NARF: variants seen among roughly 807,000 people sequenced by gnomAD.
NARF encodes iron-only hydrogenase-like protein 2.
NARF carries 41 observed loss-of-function variants against 48.0 expected under a neutral mutation model. The ratio of observed to expected loss-of-function variants is 0.85; its 90% confidence interval spans 0.66 to 1.11. The LOEUF (loss-of-function observed/expected upper bound fraction) is 1.11, where lower values mean the gene tolerates loss of function less well. Ranked by LOEUF, NARF falls within the 50% of genes least tolerant of loss-of-function variation. The probability of loss-of-function intolerance (pLI) is 0.00; values close to 1 mark genes in which losing one functional copy is unlikely to be tolerated. For synonymous variants in NARF, 215 were observed against 225.5 expected (o/e 0.95, Z 0.42); for missense variants, 613 against 590.2 (o/e 1.04, Z -0.40).
intron 2 of NARF, chr17:82,463,477 C>G (rs529404059): frequency 6.6e-6 from 1 of 152,204 alleles, no homozygotes; most frequent in East Asian, 1.9e-4. Flanking sequence ...TGGACATCGT[C>G]TCTGCTGAAG....
intron 5 of NARF, among the ~76,000 whole-genome samples, chr17:82,477,458 C>T (rs1229813283): frequency 1.3e-5 from 2 of 151,758 alleles, no homozygotes; most frequent in East Asian, 1.9e-4. Flanking sequence ...GAGCCAAGAT[C>T]GTGTGACTGC....
At chr17:82,478,547 C>T in intron 5 of NARF, 1 of 577,512 alleles carries the variant, frequency 1.7e-6, no homozygotes, top group Non-Finnish European at 3.3e-6. Context: ...TACTCCGACT[C>T]TTACTTGTCT....
At chr17:82,464,768 T>TTA (rs1411957448) in intron 3 of NARF, among the ~76,000 whole-genome samples, 1 of 152,200 alleles carries the variant, frequency 6.6e-6, no homozygotes, top group Non-Finnish European at 1.5e-5. Context: ...CTCCTGCTGT[T>TTA]CTGCCTCGGC....
chr17:82,480,842 G>A, intron 6 of NARF: 1 of 532,984 alleles, frequency 1.9e-6, no homozygotes. Context: ...TGAGGCAGGA[G>A]AATCGCTTGA....
At chr17:82,471,081 C>G (rs571521865) in intron 4 of NARF, among the ~76,000 whole-genome samples, 13 of 151,572 alleles carry the variant, frequency 8.6e-5, no homozygotes, top group Admixed American at 6.6e-5. Flanking sequence ...AAGAATCGCT[C>G]AGACCCAGGA....
intron 5 of NARF, among the ~76,000 whole-genome samples, chr17:82,473,428 T>C (rs1163916985): frequency 6.6e-6 from 1 of 150,894 alleles, no homozygotes; most frequent in East Asian, 1.9e-4. Flanking sequence ...TGAGACAGAG[T>C]CTCGCTCTGT....
Position 82,466,748 on chromosome 17 carries a change from C to T in NARF, c.253-2016C>T, listed in dbSNP as rs140015057. Among the ~76,000 whole-genome samples, 1,397 of 151,718 alleles carry T rather than the reference C, an allele frequency of 9.2e-3. 17 individuals carry two copies. Among genetic ancestry groups the T allele is most frequent in the Non-Finnish European group, 0.011 (758 of 67,886 alleles). ...GATTACAGACGTGAGCCACCACACC[C>T]GGCCAGATACATTCTTTTCTATTTG... On this transcript the variant is annotated intron_variant, in intron 3 of 10. Coordinates refer to ENST00000309794, the MANE Select transcript of NARF (RefSeq NM_012336.4).
rs749647499 is a variant in NARF, at chr17:82,485,573, C to T, written c.1048C>T (p.Arg350Ter). The change falls in exon 10 of 11, where the codon CGA (arginine) becomes TGA (stop). Residue 350 changes from arginine to a stop codon, truncating the protein, a stop_gained. Transcript: ENST00000309794. LOFTEE classifies it high-confidence loss of function. Reference sequence around the variant, plus strand: ...ACGCTTTGCTGCAGCCTATGGCTTTCGAAACATCCAGAACATGATCCTGAA... The same window carrying T: ...ACGCTTTGCTGCAGCCTATGGCTTTTGAAACATCCAGAACATGATCCTGAA... ...VLRFAAAYGF[R>*]NIQNMILKLK... The T allele has an allele frequency of 7.4e-6, 12 of 1,614,226 alleles. No individual in the cohort carries two copies. Among genetic ancestry groups the T allele is most frequent in the East Asian group, 2.2e-5 (1 of 44,892 alleles).
Position 82,464,431 on chromosome 17 carries a change from G to T in NARF, c.252+1G>T, listed in dbSNP as rs2043512427. On this transcript the variant is annotated splice_donor_variant, in intron 3 of 10. Transcript: ENST00000309794. LOFTEE classifies it high-confidence loss of function. ...CTTCCGCGTTCTGAACCTTAACAAG[G>T]TAAGGCATTCGGGGCATTTGCTGAT... is the stretch of plus-strand genomic sequence containing the variant. 1.2e-6 allele frequency: 2 copies of T among 1,610,116 alleles called. No individual in the cohort carries two copies. Among genetic ancestry groups the T allele is most frequent in the Non-Finnish European group, 1.7e-6 (2 of 1,177,646 alleles).
chr17:82,475,616 A>G (rs1262114714), intron 5 of NARF, among the ~76,000 whole-genome samples: 1 of 152,134 alleles, frequency 6.6e-6, no homozygotes, highest in East Asian at 1.9e-4. Context: ...TACTACATAC[A>G]TACAGCAAAT....
At chr17:82,466,192 A>G (rs1340137127) in intron 3 of NARF, among the ~76,000 whole-genome samples, 2 of 152,178 alleles carry the variant, frequency 1.3e-5, no homozygotes, top group African/African-American at 4.8e-5. Context: ...AAAACCCTTG[A>G]AAGTGTCTGT....
At chr17:82,462,417 A>T (rs908979346) in intron 2 of NARF, among the ~76,000 whole-genome samples, 4 of 152,130 alleles carry the variant, frequency 2.6e-5, no homozygotes, top group Non-Finnish European at 4.4e-5. Context: ...GATGGAGGTA[A>T]CCGACTTAAG....
intron 4 of NARF, among the ~76,000 whole-genome samples, chr17:82,471,379 T>C (rs1487744266): frequency 1.6e-5 from 2 of 128,404 alleles, no homozygotes; most frequent in African/African-American, 3.0e-5. Flanking sequence ...GGTGTGAACC[T>C]GGGAGGCGGA....
At chr17:82,469,509 C>T (rs1450008783) in intron 4 of NARF, among the ~76,000 whole-genome samples, 2 of 152,164 alleles carry the variant, frequency 1.3e-5, no homozygotes, top group Non-Finnish European at 2.9e-5. Flanking sequence ...CTTTTACAGC[C>T]TTGAGCATCC....
At chr17:82,471,120 C>G (rs1471616679) in intron 4 of NARF, among the ~76,000 whole-genome samples, 2 of 150,156 alleles carry the variant, frequency 1.3e-5, no homozygotes, top group African/African-American at 2.5e-5. Context: ...GTTGAGATTG[C>G]GTCACCACAC....
intron 3 of NARF, among the ~76,000 whole-genome samples, chr17:82,465,356 C>T (rs2043540116): frequency 6.6e-6 from 1 of 152,196 alleles, no homozygotes; most frequent in African/African-American, 2.4e-5. Context: ...AAAAGCACTT[C>T]TTGGTTTCCA....
chr17:82,468,310 T>TG (rs1238714123), intron 3 of NARF, among the ~76,000 whole-genome samples: 3 of 149,942 alleles, frequency 2.0e-5, no homozygotes, highest in African/African-American at 2.5e-5. Flanking sequence ...AAACTCTGTT[T>TG]TTTTTTTTTT....
chr17:82,482,283 C>T (rs1025832377), intron 7 of NARF: 1 of 417,494 alleles, frequency 2.4e-6, no homozygotes, highest in African/African-American at 2.1e-5. Flanking sequence ...TGGAAAGGTC[C>T]CCACCCCATA....
At chr17:82,480,432 T>C (rs1465413078) in intron 6 of NARF, 2 of 402,050 alleles carry the variant, frequency 5.0e-6, no homozygotes, top group Non-Finnish European at 8.8e-6. Flanking sequence ...GGCTCAGCCT[T>C]CCCGGTTCTT....
Sources: gnomAD v4.1 joint callset for allele counts (sites outside exome capture counted in the v4.1 genomes callset) on GRCh38, gnomAD v4.1.1 for gene constraint, MANE v1.5 for transcripts, NCBI Gene and HGNC (gene_info 2026-07-23, HGNC 2026-07-21) for gene names.